Variants in DCAF8L2 observed in about 807,000 individuals in gnomAD.
DCAF8L2 encodes the protein DDB1- and CUL4-associated factor 8-like protein 2.
For missense variants in DCAF8L2, 430 were observed against 490.7 expected (o/e 0.88, Z 1.17); for synonymous variants, 200 against 190.9 (o/e 1.05, Z -0.39).
the DCAF8L2 span, among the ~76,000 whole-genome samples, chrX:27,472,515 T>C: frequency 9.0e-6 from 1 of 111,424 alleles, no homozygotes; most frequent in Admixed American, 9.5e-5. Flanking sequence ...CCCACATGCA[T>C]TAGGTATTTG....
rs978114578 is a variant in DCAF8L2, at chrX:27,590,360, T to C, written c.-422T>C. ...TTTTGTTCTGTGGAGTCGCAAAAGCTGAACATCCTCCCCACAAGGTTATTT... is the reference window on the plus strand; with the variant it reads ...TTTTGTTCTGTGGAGTCGCAAAAGCCGAACATCCTCCCCACAAGGTTATTT... On this transcript the variant is annotated 5_prime_UTR_variant, in exon 1 of 5. Transcript: ENST00000451261. 1 of 111,603 alleles carries C rather than the reference T, an allele frequency of 9.0e-6. No homozygotes were observed. The highest frequency in any genetic ancestry group is 3.3e-5 in the African/African-American group (1 of 30,687). The allele number at this position is 111,603 out of a possible 1,213,427, so 9.2% of individuals were successfully genotyped here.
At chrX:27,616,325 T>G (rs1187083598) in intron 1 of DCAF8L2, among the ~76,000 whole-genome samples, 8 of 110,735 alleles carry the variant, frequency 7.2e-5, no homozygotes, top group Non-Finnish European at 1.5e-4. Flanking sequence ...TACATTAAGT[T>G]TTTTGACTTC....
intron 2 of DCAF8L2, among the ~76,000 whole-genome samples, chrX:27,660,858 GGGT>G (rs1929535057): frequency 8.9e-6 from 1 of 112,252 alleles, no homozygotes; most frequent in South Asian, 3.7e-4. Flanking sequence ...CTCCTTCCTG[GGGT>G]GTAGTAAACA....
At chrX:27,739,131 C>A (rs761654995) in intron 4 of DCAF8L2, among the ~76,000 whole-genome samples, 1 of 111,322 alleles carries the variant, frequency 9.0e-6, no homozygotes, top group Non-Finnish European at 1.9e-5. Flanking sequence ...GACCCCATTT[C>A]CCTTTGTTGT....
intron 2 of DCAF8L2, among the ~76,000 whole-genome samples, chrX:27,644,110 T>G (rs184118457): frequency 8.9e-6 from 1 of 111,808 alleles, no homozygotes; most frequent in Non-Finnish European, 1.9e-5. Flanking sequence ...GTCTAAAATA[T>G]CACCTGCCAC....
chrX:27,569,726 A>G, the DCAF8L2 span, among the ~76,000 whole-genome samples: 1 of 111,936 alleles, frequency 8.9e-6, no homozygotes, highest in Non-Finnish European at 1.9e-5. Context: ...TAAAATGTGA[A>G]TGGGTATCAA....
At chrX:27,471,766 A>C in the DCAF8L2 span, among the ~76,000 whole-genome samples, 2 of 111,464 alleles carry the variant, frequency 1.8e-5, no homozygotes, top group African/African-American at 6.5e-5. Context: ...CAGCCCAAAA[A>C]AGACAAAGAT....
At chrX:27,694,092 A>G (rs1325120453) in intron 3 of DCAF8L2, among the ~76,000 whole-genome samples, 1 of 111,937 alleles carries the variant, frequency 8.9e-6, no homozygotes, top group Non-Finnish European at 1.9e-5. Flanking sequence ...CATTATCCCA[A>G]ACTAATTAAT....
At chrX:27,472,938 GTAC>G in the DCAF8L2 span, among the ~76,000 whole-genome samples, 4 of 111,582 alleles carry the variant, frequency 3.6e-5, no homozygotes, top group Non-Finnish European at 5.6e-5. Context: ...TTTACCTTCA[GTAC>G]TACTATCTTG....
At chrX:27,696,306 G>GAAAGA (rs1569184532) in intron 3 of DCAF8L2, among the ~76,000 whole-genome samples, 1 of 89,179 alleles carries the variant, frequency 1.1e-5, no homozygotes, top group East Asian at 3.6e-4. Flanking sequence ...AAGAAAGAAA[G>GAAAGA]AAAGAAAGAA....
chrX:27,707,382 T>C, intron 3 of DCAF8L2, among the ~76,000 whole-genome samples: 1 of 111,770 alleles, frequency 8.9e-6, no homozygotes, highest in East Asian at 2.8e-4. Context: ...TGATCAAAGA[T>C]ATTGTGGATT....
chrX:27,710,585 A>G (rs1931492158), intron 3 of DCAF8L2, among the ~76,000 whole-genome samples: 1 of 112,237 alleles, frequency 8.9e-6, no homozygotes, highest in Non-Finnish European at 1.9e-5. Flanking sequence ...TCATTTTTGT[A>G]TATTAATCTA....
chrX:27,708,464 T>G (rs1198825071), intron 3 of DCAF8L2, among the ~76,000 whole-genome samples: 1 of 112,032 alleles, frequency 8.9e-6, no homozygotes, highest in African/African-American at 3.2e-5. Context: ...CATGCCTGGT[T>G]AGTTCTTGGA....
At chrX:27,620,519 A>G (rs1219960817) in intron 1 of DCAF8L2, among the ~76,000 whole-genome samples, 1 of 112,048 alleles carries the variant, frequency 8.9e-6, no homozygotes, top group Non-Finnish European at 1.9e-5. Flanking sequence ...GGATGAACAA[A>G]TATTTCTCCA....
the DCAF8L2 span, among the ~76,000 whole-genome samples, chrX:27,550,147 A>T: frequency 8.9e-6 from 1 of 112,320 alleles, no homozygotes; most frequent in Non-Finnish European, 1.9e-5. Flanking sequence ...GGATTTTAGA[A>T]ATGGATCATT....
chrX:27,654,826 G>A (rs1373567290), intron 2 of DCAF8L2, among the ~76,000 whole-genome samples: 1 of 111,489 alleles, frequency 9.0e-6, no homozygotes, highest in Non-Finnish European at 1.9e-5. Context: ...CTTCATAAAT[G>A]TTATTATTTT....
At chrX:27,602,268 C>G (rs770986637) in intron 1 of DCAF8L2, among the ~76,000 whole-genome samples, 260 of 111,126 alleles carry the variant, frequency 2.3e-3, no homozygotes, top group African/African-American at 8.0e-3. Context: ...CTCCCGACCT[C>G]AGGAGATCCA....
the DCAF8L2 span, among the ~76,000 whole-genome samples, chrX:27,513,880 CAAAAT>C: frequency 0.033 from 3,681 of 111,513 alleles, 147 homozygotes; most frequent in African/African-American, 0.11. Flanking sequence ...ATCTGAAACA[CAAAAT>C]AATAACAAAT....
At chrX:27,717,093 G>A (rs1397819323) in intron 4 of DCAF8L2, among the ~76,000 whole-genome samples, 10 of 112,149 alleles carry the variant, frequency 8.9e-5, no homozygotes, top group South Asian at 7.4e-4. Context: ...ATAATATTCC[G>A]TAGTGTATAT....
Sources: allele counts gnomAD v4.1 joint callset (sites outside exome capture counted in the v4.1 genomes callset), GRCh38; gene constraint gnomAD v4.1.1; transcripts MANE v1.5; gene names NCBI Gene and HGNC (gene_info 2026-07-23, HGNC 2026-07-21).